The following CELSR2 variants were observed in gnomAD, a reference collection of about 807,000 sequenced individuals.
CELSR2 encodes cadherin EGF LAG seven-pass G-type receptor 2.
Under a neutral mutation model 251.6 loss-of-function variants are expected in CELSR2, and 81 were observed. That is an observed-to-expected ratio of 0.32 (90% CI 0.27 to 0.39). The LOEUF (loss-of-function observed/expected upper bound fraction) is 0.39. CELSR2 is among the 10% of genes least tolerant of loss of function. The pLI is 1.00. For synonymous variants in CELSR2, 1,721 were observed against 1,670.5 expected, an observed-to-expected ratio of 1.03 and a Z score of -0.74; for missense variants, 3,365 against 3,947.7, an observed-to-expected ratio of 0.85 and a Z score of 3.96.
In CELSR2 at chr1:109,271,359, G is replaced by A. The variant is rs377101676; in HGVS notation, c.7677-27G>A. The A allele has an allele frequency of 1.6e-3, 2,624 of 1,613,270 alleles. 7 individuals are homozygous for A. Among genetic ancestry groups the A allele is most frequent in the Middle Eastern group, 3.8e-3 (23 of 6,052 alleles). On this transcript the variant is annotated intron_variant, in intron 26 of 33. Coordinates refer to ENST00000271332, the MANE Select transcript of CELSR2 (RefSeq NM_001408.3). Reference sequence around the variant, plus strand: ...CACCAGCATGGGAGGTCTCATGGCCGGACTCATGGCCTGTCCCTATCCCCA... The same window carrying A: ...CACCAGCATGGGAGGTCTCATGGCCAGACTCATGGCCTGTCCCTATCCCCA...
At position 109,261,473 on chromosome 1, in the gene CELSR2, G is replaced by T. The variant is rs1329410096; in HGVS notation, c.4182-40G>T. ...TGGCGGGGGTGCTGGCATCCAGGTG[G>T]GTACCCCATTCCCTGCCCCCATCCC... is the stretch of plus-strand genomic sequence containing the variant. On this transcript the variant is annotated intron_variant, in intron 3 of 33. Coordinates refer to ENST00000271332, the MANE Select transcript of CELSR2 (RefSeq NM_001408.3). This position sits in a 1 kb window ranked among gnomAD's most constrained non-coding sequence, Gnocchi z 4.8. The T allele has an allele frequency of 7.0e-6, 11 of 1,579,014 alleles. No homozygotes were observed. The highest frequency in any genetic ancestry group is 3.3e-5 in the Admixed American group (2 of 59,962).
chr1:109,268,717 T>A lies in CELSR2; in HGVS notation c.6455T>A (p.Met2152Lys). Residue 2152 changes from methionine (M) to lysine (K), a missense_variant, in exon 18 of 34, where the codon ATG (methionine) becomes AAG (lysine). Met to Lys is a moderately conservative substitution (Grantham distance 95). Around this residue, in one of 5 missense-constraint regions of CELSR2, gnomAD observed 2,093 missense variants for 2,382.8 expected, o/e 0.88. Coordinates refer to ENST00000271332, the MANE Select transcript of CELSR2 (RefSeq NM_001408.3). The part of the protein sequence containing the change: ...EAYASALAQN[M>K]RHTYLSPFTI... ...TACGCCAGTGCCCTGGCCCAGAACA[T>A]GCGGCACACCTACCTAAGCCCCTTC... The A allele has an allele frequency of 6.2e-7, 1 of 1,612,718 alleles. No homozygotes were observed. Among genetic ancestry groups the A allele is most frequent in the Non-Finnish European group, 8.5e-7 (1 of 1,178,964 alleles).
At position 109,252,403 on chromosome 1, in the gene CELSR2, A is replaced by C; in HGVS notation, c.2324A>C (p.Tyr775Ser). 6.2e-7 allele frequency: 1 copy of C among 1,613,296 alleles called. No individual in the cohort carries two copies. The highest frequency in any genetic ancestry group is 8.5e-7 in the Non-Finnish European group (1 of 1,180,018). ...GAVTTQAELD[Y>S]EDQVSYTLAI... ...GTCACCACCCAGGCTGAGCTGGACTATGAAGACCAAGTGTCTTACACCCTG... is the reference window on the plus strand; with the variant it reads ...GTCACCACCCAGGCTGAGCTGGACTCTGAAGACCAAGTGTCTTACACCCTG... The change falls in exon 1 of 34, where the codon TAT (tyrosine) becomes TCT (serine). Residue 775 changes from tyrosine to serine, a missense_variant. By Grantham distance (144) the Tyr-to-Ser change is moderately radical (BLOSUM62 -2). Around this residue, in one of 5 missense-constraint regions of CELSR2, gnomAD observed 505 missense variants for 660.0 expected, o/e 0.77. Transcript: ENST00000271332. This position sits in a 1 kb window ranked among gnomAD's most constrained non-coding sequence, Gnocchi z 4.8.
intron 33 of CELSR2, 146 bp downstream of exon 33, chr1:109,273,816 G>C: frequency 1.0e-6 from 1 of 974,964 alleles, no homozygotes; most frequent in East Asian, 2.5e-5. Flanking sequence ...TTACTATGCC[G>C]TGCCCACAAA....
chr1:109,263,292 C>T (rs1656077413), intron 8 of CELSR2, 25 bp downstream of exon 8: 2 of 1,557,226 alleles, frequency 1.3e-6, no homozygotes, highest in African/African-American at 1.4e-5. Flanking sequence ...TGTTAGAGGC[C>T]ACAGCCTGGG....
rs774863116 is a variant in CELSR2 at position 109,252,245 on chromosome 1, T to C, written c.2166T>C (p.Asn722=). 9 of 1,613,414 alleles carry C rather than the reference T, an allele frequency of 5.6e-6. No homozygotes were observed. Among genetic ancestry groups the C allele is most frequent in the South Asian group, 2.2e-5 (2 of 91,080 alleles). ...FQSSHYTVNV[N]EDRPAGTTVV... Reference sequence around the variant, plus strand: ...GCTCCCACTATACAGTGAATGTTAATGAGGACCGGCCGGCAGGCACCACGG... The same window carrying C: ...GCTCCCACTATACAGTGAATGTTAACGAGGACCGGCCGGCAGGCACCACGG... The change falls in exon 1 of 34, where the codon AAT becomes AAC. Residue 722 remains asparagine, a synonymous_variant. Transcript: ENST00000271332. The surrounding 1 kb of genome is among the most constrained non-coding windows in gnomAD (Gnocchi z 4.8).
At chr1:109,272,068 C>T (rs576663281) in intron 28 of CELSR2, among the ~76,000 whole-genome samples, 1 of 152,246 alleles carries the variant, frequency 6.6e-6, no homozygotes, top group African/African-American at 2.4e-5. Context: ...GTCCAGGATC[C>T]CTGGGGGCAT....
At position 109,249,895 on chromosome 1, in the gene CELSR2, C is replaced by G; in HGVS notation, c.-185C>G. 2.5e-6 allele frequency: 1 copy of G among 407,666 alleles called. No homozygotes were observed. The highest frequency in any genetic ancestry group is 3.7e-6 in the Non-Finnish European group (1 of 270,212). 25.3% of individuals were successfully genotyped at this position (407,666 alleles called of 1,614,324 possible). A position where few individuals can be genotyped will look rare whatever the true frequency, so the allele number is the denominator to read the frequency against. ...TCTGGCTCAGGGGGCAGTGGGAGCC[C>G]GGGCTCGTCGGAGGGTGCAGCGCGG... is the stretch of plus-strand genomic sequence containing the variant. On this transcript the variant is annotated 5_prime_UTR_variant, in exon 1 of 34. Transcript: ENST00000271332.
intron 13 of CELSR2, 94 bp downstream of exon 13, chr1:109,265,405 T>C: frequency 7.3e-7 from 1 of 1,373,106 alleles, no homozygotes; most frequent in South Asian, 1.4e-5. Context: ...TGGGTCTTCC[T>C]GTAGAGCTGA....
In CELSR2 at chr1:109,271,370, C is replaced by T. The variant is rs1486765064; in HGVS notation, c.7677-16C>T. 5 of 1,613,816 alleles carry T rather than the reference C, an allele frequency of 3.1e-6. No homozygotes were observed. The highest frequency in any genetic ancestry group is 4.2e-6 in the Non-Finnish European group (5 of 1,180,026). On this transcript the variant is annotated splice_polypyrimidine_tract_variant and intron_variant, in intron 26 of 33. Transcript: ENST00000271332. ...GAGGTCTCATGGCCGGACTCATGGC[C>T]TGTCCCTATCCCCAGCTCGGGCCTG...
intron 13 of CELSR2, 23 bp downstream of exon 13, chr1:109,265,334 C>T (rs760398374): frequency 1.9e-6 from 3 of 1,578,630 alleles, no homozygotes; most frequent in Admixed American, 3.5e-5. Context: ...AGCAAGCCTC[C>T]ACTGTGGCCA....
Position 109,267,616 on chromosome 1 carries a change from A to G in CELSR2, c.6082A>G (p.Ile2028Val). ...LPPNLFNCTS[I>V]TFSELKGFAE... ...CCCAAACCTCTTCAACTGCACGTCC[A>G]TCACCTTCTCAGAACTGAAGGGCTT... The change falls in exon 16 of 34, where the codon ATC (isoleucine) becomes GTC (valine). Residue 2028 changes from isoleucine (I) to valine (V), a missense_variant. Physicochemically the swap from Ile to Val is conservative, Grantham distance 29. Around this residue, in one of 5 missense-constraint regions of CELSR2, gnomAD observed 2,093 missense variants for 2,382.8 expected, o/e 0.88. Transcript: ENST00000271332. 1 of 1,614,166 alleles carries G rather than the reference A, an allele frequency of 6.2e-7. No homozygotes were observed. Among genetic ancestry groups the G allele is most frequent in the Non-Finnish European group, 8.5e-7 (1 of 1,180,034 alleles).
rs1275988044 is a variant in CELSR2, at chr1:109,261,475, T to C, written c.4182-38T>C. Reference sequence around the variant, plus strand: ...GCGGGGGTGCTGGCATCCAGGTGGGTACCCCATTCCCTGCCCCCATCCCCA... The same window carrying C: ...GCGGGGGTGCTGGCATCCAGGTGGGCACCCCATTCCCTGCCCCCATCCCCA... On this transcript the variant is annotated intron_variant, in intron 3 of 33. Coordinates refer to ENST00000271332, the MANE Select transcript of CELSR2 (RefSeq NM_001408.3). The surrounding 1 kb of genome is among the most constrained non-coding windows in gnomAD (Gnocchi z 4.8). The C allele has an allele frequency of 1.9e-6, 3 of 1,580,880 alleles. No individual in the cohort carries two copies. The highest frequency in any genetic ancestry group is 2.6e-6 in the Non-Finnish European group (3 of 1,149,954).
intron 29 of CELSR2, 86 bp from the exon 30 acceptor site, chr1:109,272,554 G>T: frequency 6.7e-7 from 1 of 1,498,336 alleles, no homozygotes; most frequent in South Asian, 1.2e-5. Flanking sequence ...ACCCACAGCA[G>T]GAACCAGGAT....
Position 109,251,394 on chromosome 1 carries a change from A to T in CELSR2, c.1315A>T (p.Met439Leu), listed in dbSNP as rs146832064. The change falls in exon 1 of 34, where the codon ATG becomes TTG. Residue 439 changes from methionine (M) to leucine (L), a missense_variant. By Grantham distance (15) the Met-to-Leu change is conservative. Transcript: ENST00000271332. The surrounding 1 kb of genome is among the most constrained non-coding windows in gnomAD (Gnocchi z 4.9). ...GSNAVVHYSI[M>L]SGNARGQFYL... The stretch of plus-strand genomic sequence containing the variant: ...CAATGCCGTGGTGCACTATAGCATC[A>T]TGAGTGGCAATGCTCGGGGACAGTT... 7.4e-6 allele frequency: 12 copies of T among 1,613,950 alleles called. No individual in the cohort carries two copies. The highest frequency in any genetic ancestry group is 1.0e-5 in the Non-Finnish European group (12 of 1,180,036).
At position 109,271,013 on chromosome 1, in the gene CELSR2, G is replaced by A. The variant is rs1656355645; in HGVS notation, c.7570G>A (p.Ala2524Thr). The A allele has an allele frequency of 1.9e-6, 3 of 1,613,646 alleles. No homozygotes were observed. Among genetic ancestry groups the A allele is most frequent in the African/African-American group, 1.3e-5 (1 of 74,838 alleles). ...SIYDTLIWSF[A>T]GPVAFAVSMS... ...CTATGACACGCTCATCTGGAGTTTT[G>A]CTGGCCCGGTGGCCTTTGCCGTCTC... Residue 2524 changes from alanine (A) to threonine (T), a missense_variant, in exon 25 of 34, where the codon GCT (alanine) becomes ACT (threonine). This residue lies in a region of CELSR2 where 2,093 missense variants were observed against 2,382.8 expected (regional missense o/e 0.88). Coordinates refer to ENST00000271332, the MANE Select transcript of CELSR2 (RefSeq NM_001408.3).
chr1:109,253,251 G>A lies in CELSR2; in HGVS notation c.3172G>A (p.Asp1058Asn), dbSNP rs2101235266. The A allele has an allele frequency of 1.9e-6, 3 of 1,613,510 alleles. No individual in the cohort carries two copies. Among genetic ancestry groups the A allele is most frequent in the Middle Eastern group, 1.6e-4 (1 of 6,062 alleles). Reference sequence around the variant, plus strand: ...ACCTGCCCATGACCCTGATATCTCAGATAGTCTGACTTACAGCTTTGAGCG... The same window carrying A: ...ACCTGCCCATGACCCTGATATCTCAAATAGTCTGACTTACAGCTTTGAGCG... ...RVPAHDPDIS[D>N]SLTYSFERGN... Residue 1058 changes from aspartate to asparagine, a missense_variant, in exon 1 of 34, where the codon GAT becomes AAT. Asp to Asn is a conservative substitution (Grantham distance 23, BLOSUM62 1). This residue lies in a region of CELSR2 where 505 missense variants were observed against 660.0 expected (regional missense o/e 0.77). Transcript: ENST00000271332.
intron 2 of CELSR2, 82 bp downstream of exon 2, chr1:109,259,161 G>A (rs1221392070): frequency 1.6e-6 from 2 of 1,248,018 alleles, no homozygotes; most frequent in East Asian, 2.5e-5. Flanking sequence ...AAATGCTGGC[G>A]GCTGCCTCAT....
At chr1:109,260,135 G>C (rs1426271344) in intron 2 of CELSR2, among the ~76,000 whole-genome samples, 6 of 148,932 alleles carry the variant, frequency 4.0e-5, no homozygotes, top group Admixed American at 3.3e-4. Flanking sequence ...GACGGGCTTG[G>C]GGGAGGGGAG....
Sources: gnomAD v4.1 joint callset for allele counts (sites outside exome capture counted in the v4.1 genomes callset) on GRCh38, gnomAD v4.1.1 for gene constraint, gnomAD v4.1.1 regional missense constraint, Gnocchi (gnomAD v3.1) non-coding constraint, MANE v1.5 for transcripts, NCBI Gene and HGNC (gene_info 2026-07-23, HGNC 2026-07-21) for gene names.